The following PLEKHG4B variants were observed in gnomAD, a reference collection of about 807,000 sequenced individuals.
PLEKHG4B encodes pleckstrin homology and RhoGEF domain containing G4B.
PLEKHG4B carries 111 observed loss-of-function variants against 121.3 expected under a neutral mutation model. The ratio of observed to expected loss-of-function variants is 0.92; its 90% CI spans 0.78 to 1.07. The LOEUF is 1.07. PLEKHG4B is among the 50% of genes least tolerant of loss of function. The pLI is 0.00. For synonymous variants in PLEKHG4B, 738 were observed against 725.0 expected, an observed-to-expected ratio of 1.02 and a Z score of -0.29; for missense variants, 1,831 against 1,757.8, an observed-to-expected ratio of 1.04 and a Z score of -0.74.
At chr5:138,229 C>T (rs777068407) in intron 2 of PLEKHG4B, among the ~76,000 whole-genome samples, 4 of 152,214 alleles carry the variant, frequency 2.6e-5, no homozygotes, top group Non-Finnish European at 5.9e-5. Context: ...TTCATCTGTT[C>T]AGGTTATTTT....
At chr5:94,953 C>T (rs1431809857) in intron 1 of PLEKHG4B, among the ~76,000 whole-genome samples, 2 of 152,148 alleles carry the variant, frequency 1.3e-5, no homozygotes, top group Non-Finnish European at 2.9e-5. Flanking sequence ...AAGCTTTTAA[C>T]AAGGAAACAC....
Position 143,029 on chromosome 5 carries a change from C to T in PLEKHG4B, c.1478-18C>T, listed in dbSNP as rs1351691122. Reference sequence around the variant, plus strand: ...AGGAAAACCTTCATCTTTGACACGGCCTCTTTCCTTTGTCCAGACGTTCTT... The same window carrying T: ...AGGAAAACCTTCATCTTTGACACGGTCTCTTTCCTTTGTCCAGACGTTCTT... On this transcript the variant is annotated intron_variant, in intron 3 of 19. Transcript: ENST00000637938. The T allele has an allele frequency of 2.5e-6, 4 of 1,609,348 alleles. No homozygotes were observed. The highest frequency in any genetic ancestry group is 1.3e-5 in the African/African-American group (1 of 74,980).
rs373193676 is a variant in PLEKHG4B, at chr5:126,015, T to C, written c.243+12567T>C. 2.6e-5 allele frequency among the ~76,000 whole-genome samples: 4 copies of C among 152,246 alleles called. No individual in the cohort carries two copies. The South Asian group carries it at 6.2e-4, about 24-fold the overall frequency. The stretch of plus-strand genomic sequence containing the variant: ...ATGTGATGAGTCACTTCTATCTTGC[T>C]GCTTTCAGGATTCTTTGTCTTTGTC... On this transcript the variant is annotated intron_variant, in intron 2 of 19. Transcript: ENST00000637938.
intron 13 of PLEKHG4B, among the ~76,000 whole-genome samples, chr5:168,887 G>A (rs1359564742): frequency 4.7e-5 from 3 of 64,288 alleles, no homozygotes; most frequent in Admixed American, 1.8e-4. Flanking sequence ...TTTTTTTTTT[G>A]AGACAGAGTC....
rs775745421 is a variant in PLEKHG4B, at chr5:140,721, A to G, written c.1477+5A>G. 4.5e-6 allele frequency: 7 copies of G among 1,551,002 alleles called. No homozygotes were observed. Among genetic ancestry groups the G allele is most frequent in the Middle Eastern group, 1.8e-4 (1 of 5,492 alleles). ...CCGGCTGCACCAAAGAGGAAGGTAAATGCTCCCCACGCCCTCCCCTGCGCA... is the reference window on the plus strand; with the variant it reads ...CCGGCTGCACCAAAGAGGAAGGTAAGTGCTCCCCACGCCCTCCCCTGCGCA... On this transcript the variant is annotated splice_donor_5th_base_variant and intron_variant, in intron 3 of 19. Coordinates refer to ENST00000637938, the MANE Select transcript of PLEKHG4B (RefSeq NM_052909.5).
chr5:140,748 C>CCCCACAACCTCCCCTACACAT, intron 3 of PLEKHG4B, 32 bp downstream of exon 3: 1 of 1,502,326 alleles, frequency 6.7e-7, no homozygotes, highest in Non-Finnish European at 8.9e-7. Flanking sequence ...CCCTGCGCAC[C>CCCCACAACCTCCCCTACACAT]CCCACAACCT....
At chr5:125,243 G>A (rs139937041) in intron 2 of PLEKHG4B, among the ~76,000 whole-genome samples, 2,797 of 152,278 alleles carry the variant, frequency 0.018, 44 homozygotes, top group Non-Finnish European at 0.028. Context: ...CTATGTATGT[G>A]CTGTATAGCT....
In PLEKHG4B at chr5:156,174, G is replaced by A. The variant is rs777091719; in HGVS notation, c.2312G>A (p.Arg771Gln). ...CTGGAGGGGGGCACCGTCCTGGCGC[G>A]GCTGAGGAGAGAAGAGCTTGGCACA... is the stretch of plus-strand genomic sequence containing the variant. ...LRLEGGTVLA[R>Q]LRREELGTED... The change falls in exon 10 of 20, where the codon CGG (arginine) becomes CAG (glutamine). Residue 771 changes from arginine (R) to glutamine (Q), a missense_variant. Transcript: ENST00000637938. The surrounding 1 kb of genome is among the most constrained non-coding windows in gnomAD (Gnocchi z 4.4). 2.0e-5 allele frequency: 32 copies of A among 1,575,078 alleles called. No homozygotes were observed. Among genetic ancestry groups the A allele is most frequent in the East Asian group, 1.6e-4 (7 of 43,806 alleles).
At chr5:126,965 G>A (rs1734636468) in intron 2 of PLEKHG4B, among the ~76,000 whole-genome samples, 1 of 152,180 alleles carries the variant, frequency 6.6e-6, no homozygotes, top group African/African-American at 2.4e-5. Context: ...TTTACATAGT[G>A]TGCGGGTCGG....
chr5:114,585 G>A (rs925164701), intron 2 of PLEKHG4B, among the ~76,000 whole-genome samples: 3 of 152,086 alleles, frequency 2.0e-5, no homozygotes, highest in Non-Finnish European at 2.9e-5. Context: ...AGCCTCCTGA[G>A]TAGCTGGGAT....
In PLEKHG4B at chr5:171,349, G is replaced by T. The variant is rs776066336; in HGVS notation, c.3955G>T (p.Glu1319Ter). The change falls in exon 16 of 20, where the codon GAG (glutamate) becomes TAG (stop). Residue 1319 changes from glutamate to a stop codon, truncating the protein, a stop_gained. Transcript: ENST00000637938. LOFTEE classifies it high-confidence loss of function. ...EASCGLAQGQ[E>*]LGELRAAEVV... ...CAGCTGTGGCCTGGCCCAGGGGCAG[G>T]AGCTGGGCGAGCTCCGAGCCGCCGA... is the stretch of plus-strand genomic sequence containing the variant. 1.9e-6 allele frequency: 3 copies of T among 1,612,098 alleles called. No individual in the cohort carries two copies. The African/African-American group carries it at 4.0e-5, about 22-fold the overall frequency.
chr5:109,290 G>A (rs1005920033), intron 1 of PLEKHG4B, among the ~76,000 whole-genome samples: 28 of 151,740 alleles, frequency 1.8e-4, no homozygotes, highest in African/African-American at 6.1e-4. Flanking sequence ...CCAGCTACTC[G>A]GAAGGCTGAG....
At chr5:144,974 G>A in intron 6 of PLEKHG4B, 54 bp downstream of exon 6, 1 of 1,512,534 alleles carries the variant, frequency 6.6e-7, no homozygotes, top group East Asian at 2.3e-5. Flanking sequence ...AGGGCCGTGT[G>A]TTGCTGGGGC....
At chr5:126,964 T>C (rs755435748) in intron 2 of PLEKHG4B, among the ~76,000 whole-genome samples, 6 of 152,146 alleles carry the variant, frequency 3.9e-5, no homozygotes, top group Admixed American at 6.5e-5. Flanking sequence ...ATTTACATAG[T>C]GTGCGGGTCG....
intron 18 of PLEKHG4B, among the ~76,000 whole-genome samples, chr5:177,722 C>T (rs58563514): frequency 0.15 from 22,594 of 152,160 alleles, 3,899 homozygotes; most frequent in African/African-American, 0.42. Context: ...GATCGAGTGC[C>T]CCATTTATCC....
intron 2 of PLEKHG4B, among the ~76,000 whole-genome samples, chr5:117,669 A>G (rs1013810452): frequency 6.6e-6 from 1 of 152,178 alleles, no homozygotes; most frequent in Non-Finnish European, 1.5e-5. Context: ...CCTGGCCAAC[A>G]TGGCAAAACC....
At chr5:136,471 A>G (rs1421768070) in intron 2 of PLEKHG4B, among the ~76,000 whole-genome samples, 4 of 152,220 alleles carry the variant, frequency 2.6e-5, no homozygotes, top group African/African-American at 7.2e-5. Context: ...AAGCTCAACA[A>G]CAAAAATAAC....
chr5:153,451 G>T (rs531104289), intron 7 of PLEKHG4B, among the ~76,000 whole-genome samples: 1 of 152,204 alleles, frequency 6.6e-6, no homozygotes, highest in Non-Finnish European at 1.5e-5. Context: ...CGGCAGCTCT[G>T]TGTCACCCAC....
rs746633349 is a variant in PLEKHG4B, at chr5:154,907, C to T, written c.2025C>T (p.His675=). The T allele has an allele frequency of 2.5e-6, 4 of 1,613,770 alleles. No homozygotes were observed. Among genetic ancestry groups the T allele is most frequent in the Non-Finnish European group, 3.4e-6 (4 of 1,180,040 alleles). ...CEVVSSLKAV[H]KFVDSCQLTA... Reference sequence around the variant, plus strand: ...TCGTGAGCTCCCTGAAGGCCGTGCACAAATTTGTTGACAGCTGCCAGCTGA... The same window carrying T: ...TCGTGAGCTCCCTGAAGGCCGTGCATAAATTTGTTGACAGCTGCCAGCTGA... The change falls in exon 8 of 20, where the codon CAC becomes CAT. Residue 675 remains histidine, a synonymous_variant. Transcript: ENST00000637938.
Sources: allele counts gnomAD v4.1 joint callset (sites outside exome capture counted in the v4.1 genomes callset), GRCh38; gene constraint gnomAD v4.1.1; non-coding constraint Gnocchi (gnomAD v3.1); transcripts MANE v1.5; gene names NCBI Gene and HGNC (gene_info 2026-07-23, HGNC 2026-07-21).